The following CUBN variants were observed in gnomAD, a reference collection of about 807,000 sequenced individuals.
CUBN encodes 460 kDa receptor.
In CUBN, 282 loss-of-function variants were observed where a neutral mutation model predicts 405.3. The observed-to-expected ratio is 0.70, with a 90% CI of 0.63 to 0.77. The LOEUF (loss-of-function observed/expected upper bound fraction) is 0.77. Among genes scored for constraint, CUBN ranks in the 30% least tolerant of loss-of-function variants. CUBN has a pLI of 0.00. For missense variants in CUBN, 4,514 were observed against 4,475.2 expected (o/e 1.01, Z -0.25); for synonymous variants, 1,684 against 1,617.0 (o/e 1.04, Z -0.99).
Position 16,890,385 on chromosome 10 carries a change from G to A in CUBN, c.8741C>T (p.Ala2914Val), listed in dbSNP as rs45551835. 20,646 of 1,613,244 alleles carry A rather than the reference G, an allele frequency of 0.013. 176 individuals carry two copies. The highest frequency in any genetic ancestry group is 0.022 in the Admixed American group (1,310 of 60,008). ...SQEAPAQGFS[A>V]SFVSRCGSNF... The stretch of plus-strand genomic sequence containing the variant: ...GGGCTACTTACGGCTAACAAAGGAC[G>A]CGGAGAAGCCCTGAGCTGGTGCCTC... Residue 2914 changes from alanine to valine, a missense_variant, in exon 55 of 67, where the codon GCG (alanine) becomes GTG (valine). Ala to Val is a moderately conservative substitution (Grantham distance 64, BLOSUM62 0). Coordinates refer to ENST00000377833, the MANE Select transcript of CUBN (RefSeq NM_001081.4).
intron 28 of CUBN, among the ~76,000 whole-genome samples, chr10:17,011,729 C>T (rs1834193101): frequency 6.6e-6 from 1 of 152,188 alleles, no homozygotes; most frequent in Non-Finnish European, 1.5e-5. Context: ...TCCATTTTTA[C>T]AGAGTGCTGA....
chr10:17,072,699 G>C (rs961743354), intron 17 of CUBN, among the ~76,000 whole-genome samples: 2 of 151,890 alleles, frequency 1.3e-5, no homozygotes, highest in Admixed American at 6.6e-5. Flanking sequence ...GTTATGGGTG[G>C]GGATATAAAA....
intron 4 of CUBN, among the ~76,000 whole-genome samples, chr10:17,124,136 A>G (rs1373840967): frequency 6.6e-6 from 1 of 152,184 alleles, no homozygotes; most frequent in Non-Finnish European, 1.5e-5. Context: ...TTTGAAATAT[A>G]ATCATCTGCT....
At chr10:17,128,369 C>T (rs185708139) in intron 2 of CUBN, among the ~76,000 whole-genome samples, 221 of 152,304 alleles carry the variant, frequency 1.5e-3, no homozygotes, top group Admixed American at 5.4e-3. Context: ...AACATCCATA[C>T]GGTGCTAAGC....
intron 17 of CUBN, among the ~76,000 whole-genome samples, chr10:17,078,639 GATAA>G (rs1370359609): frequency 6.6e-6 from 1 of 152,090 alleles, no homozygotes; most frequent in Non-Finnish European, 1.5e-5. Context: ...TAAGTGGTTT[GATAA>G]ATATTTAGAG....
intron 51 of CUBN, 118 bp downstream of exon 51, chr10:16,903,848 T>C (rs566814489): frequency 1.7e-4 from 101 of 610,090 alleles, no homozygotes; most frequent in Non-Finnish European, 2.5e-4. Context: ...ATTGATAATA[T>C]TAACAAAACT....
At chr10:17,068,544 T>C in intron 20 of CUBN, 61 bp downstream of exon 20, 1 of 1,365,046 alleles carries the variant, frequency 7.3e-7, no homozygotes. Flanking sequence ...TTTATTTCTA[T>C]CATTCACTTA....
At chr10:16,837,729 G>A (rs1294618702) in intron 62 of CUBN, among the ~76,000 whole-genome samples, 2 of 151,984 alleles carry the variant, frequency 1.3e-5, no homozygotes, top group Non-Finnish European at 2.9e-5. Context: ...TGGATACCCC[G>A]AGAATCCCAG....
chr10:16,892,991 T>C (rs1841077659), intron 54 of CUBN, among the ~76,000 whole-genome samples: 1 of 152,192 alleles, frequency 6.6e-6, no homozygotes, highest in African/African-American at 2.4e-5. Context: ...ATGATAATGG[T>C]GATGACAATG....
intron 65 of CUBN, among the ~76,000 whole-genome samples, chr10:16,830,940 G>A (rs1314641862): frequency 2.0e-5 from 3 of 152,004 alleles, no homozygotes; most frequent in Admixed American, 6.6e-5. Flanking sequence ...TACAAAAATC[G>A]GCTGGGCATG....
intron 27 of CUBN, among the ~76,000 whole-genome samples, chr10:17,026,413 C>G (rs1834664532): frequency 6.6e-6 from 1 of 152,120 alleles, no homozygotes; most frequent in African/African-American, 2.4e-5. Context: ...CGGGTGATCA[C>G]TTGAGGCCAG....
chr10:17,024,763 C>T (rs1260751628), intron 27 of CUBN, among the ~76,000 whole-genome samples: 2 of 152,104 alleles, frequency 1.3e-5, no homozygotes, highest in African/African-American at 2.4e-5. Flanking sequence ...ACCTCGGCTT[C>T]CCAAAGAGCT....
chr10:16,939,906 A>G (rs1175421618), intron 37 of CUBN, 126 bp downstream of exon 37: 1 of 916,534 alleles, frequency 1.1e-6, no homozygotes, highest in Non-Finnish European at 1.8e-6. Context: ...GGTAATTCAC[A>G]AAGACAATGT....
intron 36 of CUBN, among the ~76,000 whole-genome samples, chr10:16,945,433 A>T (rs1260161580): frequency 6.6e-6 from 1 of 152,208 alleles, no homozygotes; most frequent in Non-Finnish European, 1.5e-5. Context: ...TAAAGTATAT[A>T]GATTTCTTCC....
rs765148813 is a variant in CUBN, at chr10:16,918,735, A to G, written c.6887T>C (p.Phe2296Ser). 2 of 1,613,976 alleles carry G rather than the reference A, an allele frequency of 1.2e-6. No individual in the cohort carries two copies. The highest frequency in any genetic ancestry group is 2.2e-5 in the South Asian group (2 of 91,074). Residue 2296 changes from phenylalanine to serine, a missense_variant, in exon 45 of 67, where the codon TTT becomes TCT. Physicochemically the swap from Phe to Ser is radical, Grantham distance 155. Coordinates refer to ENST00000377833, the MANE Select transcript of CUBN (RefSeq NM_001081.4). ...VDSDAPILSK[F>S]CGTSLPSSQW... ...ACTGCTGGGCAAAGATGTCCCACAA[A>G]ATTTGGAAAGTATTGGTGCATCCGA...
chr10:16,939,950 C>T (rs1842608615), intron 37 of CUBN, 82 bp downstream of exon 37: 4 of 1,159,622 alleles, frequency 3.4e-6, no homozygotes, highest in Middle Eastern at 2.1e-4. Flanking sequence ...ATTGTTCTTG[C>T]TTAATATATT....
chr10:16,890,638 A>C, intron 54 of CUBN, 111 bp from the exon 55 acceptor site: 1 of 1,063,958 alleles, frequency 9.4e-7, no homozygotes, highest in South Asian at 1.3e-5. Context: ...TAAGCATAAG[A>C]GTAAACAAAA....
At chr10:16,972,840 C>G (rs763989152) in intron 31 of CUBN, among the ~76,000 whole-genome samples, 5 of 152,072 alleles carry the variant, frequency 3.3e-5, no homozygotes, top group Admixed American at 2.6e-4. Context: ...CAGTTCTCCA[C>G]GTGTCCCTGC....
At chr10:16,937,488 G>A in intron 39 of CUBN, 104 bp downstream of exon 39, 1 of 909,528 alleles carries the variant, frequency 1.1e-6, no homozygotes, top group Non-Finnish European at 1.8e-6. Flanking sequence ...GGGCTTTGGG[G>A]CTGTACTTAT....
Sources: gnomAD v4.1 joint callset for allele counts (sites outside exome capture counted in the v4.1 genomes callset) on GRCh38, gnomAD v4.1.1 for gene constraint, MANE v1.5 for transcripts, NCBI Gene and HGNC (gene_info 2026-07-23, HGNC 2026-07-21) for gene names.